The following TMEM33 variants were observed in gnomAD, a reference collection of about 807,000 sequenced individuals.
TMEM33 encodes the protein transmembrane protein 33.
A neutral mutation model predicts 29.7 loss-of-function variants in TMEM33; 16 were observed. The observed-to-expected ratio is 0.54, with a 90% CI of 0.36 to 0.82. TMEM33 has a LOEUF of 0.82. Ranked by LOEUF, TMEM33 falls within the 40% of genes least tolerant of loss-of-function variation. The probability of loss-of-function intolerance (pLI) is 0.00; values close to 1 mark genes in which losing one functional copy is unlikely to be tolerated. For missense variants in TMEM33, 252 were observed against 295.3 expected, an observed-to-expected ratio of 0.85 and a Z score of 1.08; for synonymous variants, 112 against 109.4, an observed-to-expected ratio of 1.02 and a Z score of -0.15.
chr4:41,946,372 A>C (rs1197639938), intron 5 of TMEM33, among the ~76,000 whole-genome samples: 1 of 152,196 alleles, frequency 6.6e-6, no homozygotes, highest in Non-Finnish European at 1.5e-5. Flanking sequence ...GTTATATTTT[A>C]TAATTTTAAA....
Position 41,939,426 on chromosome 4 carries a change from C to T in TMEM33, c.328+43C>T, listed in dbSNP as rs1577647573. The T allele has an allele frequency of 2.5e-6, 4 of 1,591,142 alleles. No homozygotes were observed. In the East Asian group the frequency reaches 6.7e-5, roughly 27 times the overall value. On this transcript the variant is annotated intron_variant, in intron 3 of 6. Transcript: ENST00000504986. ...GTTAACAATGAAATTGCCAACTAAG[C>T]ATATAGGAGATCTCTTCTGATTATT...
Position 41,939,342 on chromosome 4 carries a change from T to A in TMEM33, c.287T>A (p.Leu96Gln), listed in dbSNP as rs950527242. 2 of 1,613,278 alleles carry A rather than the reference T, an allele frequency of 1.2e-6. No homozygotes were observed. Among genetic ancestry groups the A allele is most frequent in the Non-Finnish European group, 1.7e-6 (2 of 1,179,856 alleles). Reference sequence around the variant, plus strand: ...TTGTTAGAGGACAGCTGCCACTACCTGTTGTATTCACTCATCTTTGTAAAT... The same window carrying A: ...TTGTTAGAGGACAGCTGCCACTACCAGTTGTATTCACTCATCTTTGTAAAT... ...QALLEDSCHY[L>Q]LYSLIFVNSY... is the part of the protein sequence containing the mutation. Residue 96 changes from leucine to glutamine, a missense_variant, in exon 3 of 7, where the codon CTG becomes CAG. Physicochemically the swap from Leu to Gln is moderately radical, Grantham distance 113 (BLOSUM62 -2). Transcript: ENST00000504986.
In TMEM33 at chr4:41,957,303, A is replaced by G. The variant is rs1263581381; in HGVS notation, c.*3104A>G. 2 of 139,620 alleles carry G rather than the reference A, an allele frequency of 1.4e-5. 1 individual carries two copies. The highest frequency in any genetic ancestry group is 5.4e-5 in the African/African-American group (2 of 37,042). The allele number at this position is 139,620 out of a possible 1,614,324, so 8.6% of individuals were successfully genotyped here. On this transcript the variant is annotated 3_prime_UTR_variant, in exon 7 of 7. Coordinates refer to ENST00000504986, the MANE Select transcript of TMEM33 (RefSeq NM_018126.3). ...TTTTTTTGGAATGAAGTTCAGAGGTAGATCCTCCTGGAAGAAAGAAAGCAA... is the reference window on the plus strand; with the variant it reads ...TTTTTTTGGAATGAAGTTCAGAGGTGGATCCTCCTGGAAGAAAGAAAGCAA...
chr4:41,943,735 T>C lies in TMEM33; in HGVS notation c.329-12T>C. On this transcript the variant is annotated splice_polypyrimidine_tract_variant and intron_variant, in intron 3 of 6. Coordinates refer to ENST00000504986, the MANE Select transcript of TMEM33 (RefSeq NM_018126.3). The stretch of plus-strand genomic sequence containing the variant: ...ATGACTTTTAAATGTTTTCCTTAAT[T>C]GTTTTCTTTAGTGAGTATCTTCCCA... 1 of 1,613,048 alleles carries C rather than the reference T, an allele frequency of 6.2e-7. No homozygotes were observed. The highest frequency in any genetic ancestry group is 8.5e-7 in the Non-Finnish European group (1 of 1,179,272).
In TMEM33 at chr4:41,939,340, C is replaced by T. The variant is rs148890991; in HGVS notation, c.285C>T (p.Tyr95=). The change falls in exon 3 of 7, where the codon TAC becomes TAT. Residue 95 remains tyrosine, a synonymous_variant. Coordinates refer to ENST00000504986, the MANE Select transcript of TMEM33 (RefSeq NM_018126.3). ...AQALLEDSCH[Y]LLYSLIFVNS... ...CTTTGTTAGAGGACAGCTGCCACTACCTGTTGTATTCACTCATCTTTGTAA... is the reference window on the plus strand; with the variant it reads ...CTTTGTTAGAGGACAGCTGCCACTATCTGTTGTATTCACTCATCTTTGTAA... The T allele has an allele frequency of 2.5e-6, 4 of 1,613,440 alleles. No individual in the cohort carries two copies. In the African/African-American group the frequency reaches 4.0e-5, roughly 16 times the overall value.
At chr4:41,951,900 A>G (rs1713054076) in intron 6 of TMEM33, among the ~76,000 whole-genome samples, 1 of 152,196 alleles carries the variant, frequency 6.6e-6, no homozygotes, top group Non-Finnish European at 1.5e-5. Context: ...CTAGATCATG[A>G]AAGGGTTTGG....
rs778173727 is a variant in TMEM33 at position 41,939,124 on chromosome 4, C to G, written c.141-72C>G. On this transcript the variant is annotated intron_variant, in intron 2 of 6. Transcript: ENST00000504986. ...ATTTAGGTGTTGTGCAATTATGATG[C>G]AATTCACAAAGGAGGAAGAGACACT... 2.8e-6 allele frequency: 4 copies of G among 1,417,700 alleles called. No homozygotes were observed. In the South Asian group the frequency reaches 4.5e-5, roughly 16 times the overall value. 87.8% of individuals were successfully genotyped at this position (1,417,700 alleles called of 1,614,324 possible).
chr4:41,943,922 A>C, intron 4 of TMEM33, 108 bp downstream of exon 4: 1 of 930,332 alleles, frequency 1.1e-6, no homozygotes, highest in Middle Eastern at 2.2e-4. Context: ...TATACCTTAC[A>C]AACTTGTTAT....
At chr4:41,953,652 T>C (rs114782843) in intron 6 of TMEM33, 4,949 of 420,060 alleles carry the variant, frequency 0.012, 199 homozygotes, top group African/African-American at 0.09. Flanking sequence ...GGGTTATTAA[T>C]TGGCCTAATT....
At chr4:41,951,387 TCTGA>T (rs1260251300) in intron 6 of TMEM33, among the ~76,000 whole-genome samples, 12 of 152,198 alleles carry the variant, frequency 7.9e-5, no homozygotes, top group East Asian at 1.9e-4. Context: ...TAAGGAACTC[TCTGA>T]CTGGTCCTTC....
Position 41,955,378 on chromosome 4 carries a change from C to T in TMEM33, c.*1179C>T, listed in dbSNP as rs532386043. On this transcript the variant is annotated 3_prime_UTR_variant, in exon 7 of 7. Transcript: ENST00000504986. Reference sequence around the variant, plus strand: ...AATGTGTTAAATCCTGTTCATTGAACTCCCATCAACTCTTATAAAATTCAT... The same window carrying T: ...AATGTGTTAAATCCTGTTCATTGAATTCCCATCAACTCTTATAAAATTCAT... 1 of 152,386 alleles carries T rather than the reference C, an allele frequency of 6.6e-6. No individual in the cohort carries two copies. The highest frequency in any genetic ancestry group is 1.5e-5 in the Non-Finnish European group (1 of 68,028). The allele number at this position is 152,386 out of a possible 1,614,324, so 9.4% of individuals were successfully genotyped here.
rs181483176 is a variant in TMEM33, at chr4:41,937,294, G to T, written c.46-1308G>T. Among the ~76,000 whole-genome samples the T allele has an allele frequency of 4.2e-3, 640 of 152,286 alleles. 6 individuals carry two copies. Among genetic ancestry groups the T allele is most frequent in the African/African-American group, 0.014 (597 of 41,556 alleles). On this transcript the variant is annotated intron_variant, in intron 1 of 6. Transcript: ENST00000504986. Reference sequence around the variant, plus strand: ...AATATTTGTTGAGAAACTGAGCACAGTAAGCTGGATTCATCCTTCACTTGA... The same window carrying T: ...AATATTTGTTGAGAAACTGAGCACATTAAGCTGGATTCATCCTTCACTTGA...
At chr4:41,949,810 C>CA (rs1334429694) in intron 6 of TMEM33, among the ~76,000 whole-genome samples, 1 of 151,922 alleles carries the variant, frequency 6.6e-6, no homozygotes, top group African/African-American at 2.4e-5. Flanking sequence ...ATCATTGGGC[C>CA]AGAAGATAGA....
chr4:41,950,293 T>G (rs1291485835), intron 6 of TMEM33, among the ~76,000 whole-genome samples: 2 of 152,168 alleles, frequency 1.3e-5, no homozygotes, highest in Non-Finnish European at 2.9e-5. Context: ...TAAGATAATC[T>G]ATTTTTAAGT....
intron 6 of TMEM33, among the ~76,000 whole-genome samples, chr4:41,953,211 A>G (rs1713119542): frequency 6.6e-6 from 1 of 152,196 alleles, no homozygotes; most frequent in Non-Finnish European, 1.5e-5. Flanking sequence ...TCTAATGGCT[A>G]TGGTAGATTC....
chr4:41,951,202 A>G (rs1185225272), intron 6 of TMEM33, among the ~76,000 whole-genome samples: 2 of 152,102 alleles, frequency 1.3e-5, no homozygotes, highest in Admixed American at 6.5e-5. Flanking sequence ...GCTGTCCAGT[A>G]CAGCACAGCA....
intron 2 of TMEM33, 137 bp from the exon 3 acceptor site, chr4:41,939,059 G>A (rs549142476): frequency 1.5e-5 from 11 of 740,392 alleles, no homozygotes; most frequent in African/African-American, 9.0e-5. Flanking sequence ...CTATTAAAAC[G>A]GTAGAATAAG....
rs1252112504 is a variant in TMEM33, at chr4:41,957,602, T to C, written c.*3403T>C. On this transcript the variant is annotated 3_prime_UTR_variant, in exon 7 of 7. Coordinates refer to ENST00000504986, the MANE Select transcript of TMEM33 (RefSeq NM_018126.3). ...AAGTAGAACTGAGAGATTTAGTTTTTTTTTTTTTTAAGTTTTAGTTCAGAA... is the reference window on the plus strand; with the variant it reads ...AAGTAGAACTGAGAGATTTAGTTTTCTTTTTTTTTAAGTTTTAGTTCAGAA... The C allele has an allele frequency of 6.6e-6, 1 of 152,054 alleles. No homozygotes were observed. The highest frequency in any genetic ancestry group is 1.9e-4 in the East Asian group (1 of 5,198). 9.4% of individuals were successfully genotyped at this position (152,054 alleles called of 1,614,324 possible).
intron 6 of TMEM33, among the ~76,000 whole-genome samples, chr4:41,951,204 A>AAATGTGT (rs1000818318): frequency 1.3e-5 from 2 of 152,148 alleles, no homozygotes; most frequent in African/African-American, 2.4e-5. Flanking sequence ...TGTCCAGTAC[A>AAATGTGT]GCACAGCAAC....
Sources: gnomAD v4.1 joint callset for allele counts (sites outside exome capture counted in the v4.1 genomes callset) on GRCh38, gnomAD v4.1.1 for gene constraint, MANE v1.5 for transcripts, NCBI Gene and HGNC (gene_info 2026-07-23, HGNC 2026-07-21) for gene names.